The following ESRRG variants were observed in gnomAD, a reference collection of about 807,000 sequenced individuals.
ESRRG encodes estrogen-related receptor gamma.
In ESRRG, 13 loss-of-function variants were observed where a neutral mutation model predicts 44.0. The observed-to-expected ratio is 0.30, with a 90% confidence interval of 0.19 to 0.47. The LOEUF (loss-of-function observed/expected upper bound fraction) is 0.47. ESRRG is among the 20% of genes least tolerant of loss of function. The pLI is 1.00. For synonymous variants in ESRRG, 215 were observed against 214.6 expected, an observed-to-expected ratio of 1.00 and a Z score of -0.02; for missense variants, 395 against 580.6, an observed-to-expected ratio of 0.68 and a Z score of 3.29.
chr1:216,649,588 T>A, intron 3 of ESRRG, among the ~76,000 whole-genome samples: 1 of 152,098 alleles, frequency 6.6e-6, no homozygotes, highest in East Asian at 1.9e-4. Context: ...TGTTCTTATA[T>A]ATATATTTAC....
intron 1 of ESRRG, among the ~76,000 whole-genome samples, chr1:217,058,240 G>T (rs541535505): frequency 2.6e-5 from 4 of 152,130 alleles, no homozygotes; most frequent in African/African-American, 9.6e-5. Flanking sequence ...TAACGCAAAC[G>T]CTTTAGGCTA....
intron 2 of ESRRG, among the ~76,000 whole-genome samples, chr1:216,736,979 T>C (rs2090030726): frequency 6.6e-6 from 1 of 152,322 alleles, no homozygotes. Flanking sequence ...TCATATATTC[T>C]CCACCCCCAG....
chr1:217,108,624 TA>T (rs1172961178), intron 1 of ESRRG, among the ~76,000 whole-genome samples: 1 of 152,000 alleles, frequency 6.6e-6, no homozygotes, highest in African/African-American at 2.4e-5. Flanking sequence ...CTGGGTCGTT[TA>T]AAAGTGTGTG....
At chr1:217,063,281 C>T (rs2151376526) in intron 1 of ESRRG, among the ~76,000 whole-genome samples, 1 of 152,302 alleles carries the variant, frequency 6.6e-6, no homozygotes, top group East Asian at 1.9e-4. Flanking sequence ...AAGCCACCTC[C>T]TGCTATCTCC....
intron 1 of ESRRG, among the ~76,000 whole-genome samples, chr1:217,133,981 G>A (rs1007394448): frequency 3.3e-5 from 5 of 152,116 alleles, no homozygotes; most frequent in African/African-American, 1.2e-4. Flanking sequence ...CCCCGAATGT[G>A]GCCCAGAGTT....
At chr1:216,522,304 A>G (rs1362330489) in intron 5 of ESRRG, among the ~76,000 whole-genome samples, 1 of 114,784 alleles carries the variant, frequency 8.7e-6, no homozygotes, top group Non-Finnish European at 1.6e-5. Context: ...GCATGAGGAG[A>G]CGGATATAGC....
rs1216448286 is a variant in ESRRG, at chr1:216,812,625, G to GAA, written c.-14+126955_-14+126956dup. 1.3e-5 allele frequency among the ~76,000 whole-genome samples: 2 copies of GAA among 152,120 alleles called. 1 individual carries two copies. The highest frequency in any genetic ancestry group is 1.3e-4 in the Admixed American group (2 of 15,260). ...TTTAGCAATCAGTCTTTCTTTCTTA[G>GAA]AAATAAATTTGGTAACTCTGGCTCA... On this transcript the variant is annotated intron_variant, in intron 2 of 7. Coordinates refer to the ESRRG transcript ENST00000359162.
chr1:217,008,847 G>A (rs1252861770), intron 1 of ESRRG, among the ~76,000 whole-genome samples: 1 of 152,122 alleles, frequency 6.6e-6, no homozygotes, highest in Non-Finnish European at 1.5e-5. Flanking sequence ...CCAACTAACT[G>A]CTAGCTAAAT....
chr1:216,941,939 G>A (rs2065291076), intron 1 of ESRRG, among the ~76,000 whole-genome samples: 1 of 152,028 alleles, frequency 6.6e-6, no homozygotes. Context: ...TTAGATTCAG[G>A]GGGTGCATGT....
At chr1:216,729,127 C>T (rs1428848126) in intron 2 of ESRRG, among the ~76,000 whole-genome samples, 2 of 152,124 alleles carry the variant, frequency 1.3e-5, no homozygotes, top group Non-Finnish European at 2.9e-5. Context: ...ATGGGAATAA[C>T]AATAACAATC....
chr1:216,545,572 T>C (rs901816745), intron 5 of ESRRG, among the ~76,000 whole-genome samples: 9 of 152,102 alleles, frequency 5.9e-5, no homozygotes, highest in Non-Finnish European at 1.0e-4. Context: ...ATTTAGAACA[T>C]TTATCACTTG....
intron 3 of ESRRG, among the ~76,000 whole-genome samples, chr1:216,633,998 T>C (rs1408132160): frequency 6.6e-6 from 1 of 152,174 alleles, no homozygotes; most frequent in African/African-American, 2.4e-5. Flanking sequence ...CAGTTATTGA[T>C]GACAAATTAC....
intron 2 of ESRRG, among the ~76,000 whole-genome samples, chr1:216,867,822 C>T (rs1372512700): frequency 6.6e-6 from 1 of 152,070 alleles, no homozygotes; most frequent in Non-Finnish European, 1.5e-5. Flanking sequence ...TGAATCTTAA[C>T]ACATGAATAG....
chr1:217,097,796 T>A (rs2092445917), intron 1 of ESRRG, among the ~76,000 whole-genome samples: 1 of 151,318 alleles, frequency 6.6e-6, no homozygotes, highest in Admixed American at 6.6e-5. Flanking sequence ...AGTTCATCGA[T>A]TTGCAACCAT....
chr1:217,064,205 GTA>G (rs74923409), intron 1 of ESRRG, among the ~76,000 whole-genome samples: 24,803 of 151,388 alleles, frequency 0.16, 2,609 homozygotes, highest in Non-Finnish European at 0.24. Flanking sequence ...TATTGTATGT[GTA>G]TATATGTTGT....
At chr1:216,559,469 A>C (rs1212357677) in intron 5 of ESRRG, among the ~76,000 whole-genome samples, 1 of 152,236 alleles carries the variant, frequency 6.6e-6, no homozygotes, top group Non-Finnish European at 1.5e-5. Context: ...TCAACAAATC[A>C]ATAAACATTT....
At chr1:216,843,643 A>G (rs967122273) in intron 2 of ESRRG, among the ~76,000 whole-genome samples, 1 of 152,196 alleles carries the variant, frequency 6.6e-6, no homozygotes. Flanking sequence ...TCATCCGGCA[A>G]GCAAGGCCCC....
chr1:216,584,536 G>A (rs758853032), intron 3 of ESRRG, among the ~76,000 whole-genome samples: 12 of 152,040 alleles, frequency 7.9e-5, no homozygotes, highest in Non-Finnish European at 1.3e-4. Context: ...GATTACAGGC[G>A]TGAGTAACTG....
intron 2 of ESRRG, among the ~76,000 whole-genome samples, chr1:216,885,601 AG>A (rs2149353378): frequency 6.6e-6 from 1 of 151,670 alleles, no homozygotes; most frequent in Non-Finnish European, 1.5e-5. Context: ...GCAATCTTAA[AG>A]GTTTTTTTTT....
Sources: gnomAD v4.1 joint callset for allele counts (sites outside exome capture counted in the v4.1 genomes callset) on GRCh38, gnomAD v4.1.1 for gene constraint, MANE v1.5 for transcripts, NCBI Gene and HGNC (gene_info 2026-07-23, HGNC 2026-07-21) for gene names.